The following GPC5 variants were observed in gnomAD, a reference collection of about 807,000 sequenced individuals.
GPC5 encodes glypican 5.
Under a neutral mutation model 53.9 loss-of-function variants are expected in GPC5, and 47 were observed. The ratio of observed to expected loss-of-function variants is 0.87; its 90% CI spans 0.69 to 1.11. The LOEUF is 1.11. GPC5 is among the 50% of genes most tolerant of loss of function. The pLI is 0.00. For missense variants in GPC5, 748 were observed against 713.1 expected (o/e 1.05, Z -0.56); for synonymous variants, 286 against 263.3 (o/e 1.09, Z -0.84).
intron 7 of GPC5, among the ~76,000 whole-genome samples, chr13:92,147,864 A>G (rs770315782): frequency 2.0e-5 from 3 of 152,104 alleles, no homozygotes; most frequent in Non-Finnish European, 2.9e-5. Context: ...AGCGAAGTGT[A>G]GGTCACATTT....
At chr13:91,745,589 T>C (rs1594512894) in intron 4 of GPC5, among the ~76,000 whole-genome samples, 1 of 152,058 alleles carries the variant, frequency 6.6e-6, no homozygotes, top group East Asian at 1.9e-4. Context: ...ACTTCCTATG[T>C]GGAGGGGAAA....
At chr13:92,424,915 G>C (rs973110513) in intron 7 of GPC5, among the ~76,000 whole-genome samples, 7 of 151,982 alleles carry the variant, frequency 4.6e-5, no homozygotes, top group African/African-American at 1.7e-4. Context: ...AGATGAATAA[G>C]ATATAGCTCC....
At chr13:91,503,848 G>A (rs961081150) in intron 2 of GPC5, among the ~76,000 whole-genome samples, 2 of 149,080 alleles carry the variant, frequency 1.3e-5, no homozygotes, top group Non-Finnish European at 3.0e-5. Flanking sequence ...TAGGGAAACA[G>A]GCTTCCCAAG....
intron 2 of GPC5, among the ~76,000 whole-genome samples, chr13:91,630,934 C>T (rs1226351174): frequency 6.6e-6 from 1 of 151,950 alleles, no homozygotes; most frequent in Non-Finnish European, 1.5e-5. Context: ...TCTCTTAATC[C>T]AGTAACTTAA....
intron 6 of GPC5, among the ~76,000 whole-genome samples, chr13:92,064,760 A>AAAAAAAAAAAAAAAAAAAAAAC (rs2041153983): frequency 1.0e-4 from 3 of 29,522 alleles, no homozygotes; most frequent in South Asian, 1.7e-3. Flanking sequence ...CCGTCTCAAA[A>AAAAAAAAAAAAAAAAAAAAAAC]AAAAAAAACA....
intron 7 of GPC5, among the ~76,000 whole-genome samples, chr13:92,344,606 T>A (rs1183837016): frequency 6.6e-6 from 1 of 152,148 alleles, no homozygotes; most frequent in East Asian, 1.9e-4. Context: ...GGTCCAAAAA[T>A]GACTGATAAA....
At chr13:91,662,021 G>T (rs891216494) in intron 2 of GPC5, among the ~76,000 whole-genome samples, 2 of 152,264 alleles carry the variant, frequency 1.3e-5, no homozygotes, top group Non-Finnish European at 2.9e-5. Flanking sequence ...AGAGATCTAG[G>T]CTGGAGATAC....
intron 7 of GPC5, among the ~76,000 whole-genome samples, chr13:92,408,888 T>C (rs1875919670): frequency 6.6e-6 from 1 of 152,088 alleles, no homozygotes; most frequent in Non-Finnish European, 1.5e-5. Flanking sequence ...CAGTGTGCCA[T>C]ATACATGAAT....
At chr13:92,126,242 C>T (rs531172385) in intron 6 of GPC5, among the ~76,000 whole-genome samples, 29 of 152,006 alleles carry the variant, frequency 1.9e-4, no homozygotes, top group East Asian at 5.8e-4. Flanking sequence ...CATGAGCCAC[C>T]GCACCTGGCC....
chr13:92,017,910 G>A (rs2040721689), intron 6 of GPC5, among the ~76,000 whole-genome samples: 2 of 151,646 alleles, frequency 1.3e-5, no homozygotes, highest in South Asian at 2.1e-4. Flanking sequence ...ACGTACACGT[G>A]CATGAGTACA....
chr13:91,796,320 G>A (rs189378386), intron 5 of GPC5, among the ~76,000 whole-genome samples: 2 of 152,282 alleles, frequency 1.3e-5, no homozygotes, highest in East Asian at 1.9e-4. Flanking sequence ...TGGACACCCT[G>A]CCGGATCTGG....
intron 3 of GPC5, among the ~76,000 whole-genome samples, chr13:91,706,306 G>A (rs972460283): frequency 7.9e-5 from 12 of 151,868 alleles, no homozygotes; most frequent in Middle Eastern, 3.2e-3. Context: ...GCCCCATAGA[G>A]TTATAAGTGA....
chr13:92,392,781 A>T (rs879327870), intron 7 of GPC5, among the ~76,000 whole-genome samples: 2 of 152,242 alleles, frequency 1.3e-5, no homozygotes, highest in African/African-American at 2.4e-5. Context: ...CATGTGGCCA[A>T]CAAGCATATA....
At chr13:92,146,208 T>A (rs2041866227) in intron 7 of GPC5, among the ~76,000 whole-genome samples, 1 of 152,166 alleles carries the variant, frequency 6.6e-6, no homozygotes, top group Non-Finnish European at 1.5e-5. Context: ...CAGAATGCGA[T>A]AAAGATGTGT....
intron 5 of GPC5, among the ~76,000 whole-genome samples, chr13:91,886,423 A>G (rs572847156): frequency 2.0e-5 from 3 of 152,164 alleles, no homozygotes; most frequent in Non-Finnish European, 4.4e-5. Flanking sequence ...CATTCTTCCC[A>G]TGGCACCTCC....
At chr13:92,543,961 G>A (rs564511766) in intron 7 of GPC5, among the ~76,000 whole-genome samples, 1 of 151,436 alleles carries the variant, frequency 6.6e-6, no homozygotes, top group Non-Finnish European at 1.5e-5. Flanking sequence ...GGGCTATATT[G>A]CTTTGTTTTG....
intron 6 of GPC5, among the ~76,000 whole-genome samples, chr13:91,908,635 A>G (rs1347443160): frequency 6.6e-6 from 1 of 152,110 alleles, no homozygotes; most frequent in Admixed American, 6.6e-5. Flanking sequence ...TACATGGCAA[A>G]TGAAGCATGA....
intron 7 of GPC5, among the ~76,000 whole-genome samples, chr13:92,558,255 T>A (rs979114068): frequency 2.0e-5 from 3 of 152,064 alleles, no homozygotes; most frequent in African/African-American, 7.2e-5. Flanking sequence ...CCATATAGAC[T>A]TGGACTATAA....
intron 7 of GPC5, among the ~76,000 whole-genome samples, chr13:92,439,035 C>T (rs1183714602): frequency 6.6e-6 from 1 of 152,078 alleles, no homozygotes; most frequent in African/African-American, 2.4e-5. Context: ...TAGAGAAATC[C>T]ATGTGACAAA....
Sources: allele counts gnomAD v4.1 joint callset (sites outside exome capture counted in the v4.1 genomes callset), GRCh38; gene constraint gnomAD v4.1.1; transcripts MANE v1.5; gene names NCBI Gene and HGNC (gene_info 2026-07-23, HGNC 2026-07-21).